Variants in MINK1 observed in about 807,000 individuals in gnomAD.
The protein encoded by MINK1 is misshapen-like kinase 1.
A neutral mutation model predicts 178.4 loss-of-function variants in MINK1; 46 were observed. That is an observed-to-expected ratio of 0.26 (90% CI 0.20 to 0.33). MINK1 has a LOEUF of 0.33. Among genes scored for constraint, MINK1 ranks in the 10% least tolerant of loss-of-function variants. The pLI is 1.00. For synonymous variants in MINK1, 797 were observed against 709.7 expected, an observed-to-expected ratio of 1.12 and a Z score of -1.96; for missense variants, 1,366 against 1,814.9, an observed-to-expected ratio of 0.75 and a Z score of 4.49.
At chr17:4,891,881 G>A (rs1301870136) in intron 16 of MINK1, among the ~76,000 whole-genome samples, 165 bp downstream of exon 16, 1 of 152,216 alleles carries the variant, frequency 6.6e-6, no homozygotes, top group Non-Finnish European at 1.5e-5. Flanking sequence ...GACGCGACGT[G>A]GAGGGGTGGC....
chr17:4,883,921 A>T (rs1967957154), intron 4 of MINK1, among the ~76,000 whole-genome samples: 2 of 151,772 alleles, frequency 1.3e-5, no homozygotes, highest in African/African-American at 4.8e-5. Context: ...CTCAGGGAAA[A>T]TGCATATACC....
intron 1 of MINK1, among the ~76,000 whole-genome samples, chr17:4,876,545 G>A (rs1967198969): frequency 6.6e-6 from 1 of 152,144 alleles, no homozygotes; most frequent in Admixed American, 6.5e-5. Flanking sequence ...AGTGGATGAA[G>A]TGCTTTTATT....
chr17:4,864,725 CA>C (rs202062349), intron 1 of MINK1, among the ~76,000 whole-genome samples: 1 of 151,532 alleles, frequency 6.6e-6, no homozygotes, highest in Non-Finnish European at 1.5e-5. Context: ...GACTCCATCT[CA>C]AAAAAAAGAG....
chr17:4,892,979 T>C lies in MINK1; in HGVS notation c.2312T>C (p.Val771Ala), dbSNP rs11556634. The C allele has an allele frequency of 0.44, 688,224 of 1,555,594 alleles. 166,863 individuals carry two copies. The highest frequency in any genetic ancestry group is 0.91 in the East Asian group (37,428 of 41,324). ...GACCTTCTTCCACCCTGCCGTCCAG[T>C]CTCCTCCAAACCGGACAGCTCCCCT... ...AGSLERNRVG[V>A]SSKPDSSPVL... Residue 771 changes from valine (V) to alanine (A), a missense_variant and splice_region_variant, in exon 20 of 32, where the codon GTC becomes GCC. By Grantham distance (64) the Val-to-Ala change is moderately conservative. Around this residue, in one of 14 missense-constraint regions of MINK1, gnomAD observed 709 missense variants for 692.3 expected, o/e 1.02. Transcript: ENST00000355280.
At chr17:4,893,375 T>C (rs908974359) in intron 20 of MINK1, 59 bp from the exon 21 acceptor site, 17 of 1,608,944 alleles carry the variant, frequency 1.1e-5, no homozygotes, top group Non-Finnish European at 1.4e-5. Context: ...CCGGCACCCT[T>C]TGTCTACCTC....
chr17:4,862,397 G>A (rs1914295921), intron 1 of MINK1, among the ~76,000 whole-genome samples: 1 of 152,138 alleles, frequency 6.6e-6, no homozygotes, highest in African/African-American at 2.4e-5. Flanking sequence ...GCTCACGCCT[G>A]TAATCCCAGC....
At position 4,895,906 on chromosome 17, in the gene MINK1, T is replaced by A. The variant is rs932651164; in HGVS notation, c.3364+74T>A. The A allele has an allele frequency of 1.9e-6, 3 of 1,579,664 alleles. No individual in the cohort carries two copies. Among genetic ancestry groups the A allele is most frequent in the Non-Finnish European group, 1.7e-6 (2 of 1,161,498 alleles). On this transcript the variant is annotated intron_variant, in intron 27 of 31. Transcript: ENST00000355280. The surrounding 1 kb of genome is among the most constrained non-coding windows in gnomAD (Gnocchi z 4.3). ...AGAAATGGATCTGGGAGCCAGGGACTTGGGGCCTGGGTGGGGCAGTGTAGT... is the reference window on the plus strand; with the variant it reads ...AGAAATGGATCTGGGAGCCAGGGACATGGGGCCTGGGTGGGGCAGTGTAGT...
At chr17:4,860,429 G>T (rs1049922334) in intron 1 of MINK1, among the ~76,000 whole-genome samples, 5 of 152,100 alleles carry the variant, frequency 3.3e-5, no homozygotes, top group African/African-American at 1.2e-4. Flanking sequence ...CCTCCCAACC[G>T]GACAGCGTTC....
chr17:4,884,856 A>G (rs1001992075), intron 5 of MINK1, 56 bp from the exon 6 acceptor site: 1 of 1,490,506 alleles, frequency 6.7e-7, no homozygotes. Context: ...CTCCCCACTT[A>G]CTCTTTCCTA....
intron 2 of MINK1, among the ~76,000 whole-genome samples, chr17:4,880,327 T>C (rs1967580247): frequency 1.3e-5 from 2 of 149,638 alleles, no homozygotes; most frequent in Admixed American, 6.6e-5. Flanking sequence ...AGACGGAGTC[T>C]TGCTCTGTCC....
intron 1 of MINK1, among the ~76,000 whole-genome samples, chr17:4,834,335 G>A (rs1019397117): frequency 6.6e-6 from 1 of 151,020 alleles, no homozygotes; most frequent in Non-Finnish European, 1.5e-5. Context: ...AGGAGGGGAG[G>A]CATTTCTTCT....
intron 1 of MINK1, among the ~76,000 whole-genome samples, chr17:4,850,846 A>G (rs948312165): frequency 6.6e-6 from 1 of 152,000 alleles, no homozygotes; most frequent in Non-Finnish European, 1.5e-5. Context: ...CCAACCCCTC[A>G]TTACTAGTGT....
rs367903686 is a variant in MINK1 at position 4,896,174 on chromosome 17, C to T, written c.3466-19C>T. 54 of 1,600,610 alleles carry T rather than the reference C, an allele frequency of 3.4e-5. No homozygotes were observed. In the African/African-American group the frequency reaches 5.9e-4, roughly 17 times the overall value. Reference sequence around the variant, plus strand: ...TCTCCCCGTGCCCCTGAGCCCTCCTCTCCTCCGGTTCTCTGCAGTCCTTTG... The same window carrying T: ...TCTCCCCGTGCCCCTGAGCCCTCCTTTCCTCCGGTTCTCTGCAGTCCTTTG... On this transcript the variant is annotated intron_variant, in intron 28 of 31. Transcript: ENST00000355280. This position sits in a 1 kb window ranked among gnomAD's most constrained non-coding sequence, Gnocchi z 4.6.
intron 1 of MINK1, among the ~76,000 whole-genome samples, chr17:4,863,194 C>CG (rs1914446700): frequency 6.6e-6 from 1 of 152,154 alleles, no homozygotes; most frequent in Admixed American, 6.6e-5. Context: ...ATGGTAACAG[C>CG]GGGGGATAGC....
chr17:4,876,098 A>G (rs546795226), intron 1 of MINK1, among the ~76,000 whole-genome samples: 1 of 150,392 alleles, frequency 6.6e-6, no homozygotes, highest in Non-Finnish European at 1.5e-5. Flanking sequence ...CCCGGCCAAG[A>G]TTTTTTTTTT....
chr17:4,884,555 T>C (rs1433478124), intron 5 of MINK1, 82 bp downstream of exon 5: 1 of 1,041,226 alleles, frequency 9.6e-7, no homozygotes, highest in East Asian at 2.4e-5. Context: ...CTCCCTGCGC[T>C]GGGAGGAGAC....
chr17:4,889,912 A>C lies in MINK1; in HGVS notation c.1347+149A>C, dbSNP rs1444144504. 9 of 612,342 alleles carry C rather than the reference A, an allele frequency of 1.5e-5. No individual in the cohort carries two copies. In the African/African-American group the frequency reaches 1.7e-4, roughly 12 times the overall value. 37.9% of individuals were successfully genotyped at this position (612,342 alleles called of 1,614,324 possible). On this transcript the variant is annotated intron_variant, in intron 13 of 31. Coordinates refer to ENST00000355280, the MANE Select transcript of MINK1 (RefSeq NM_153827.5). ...TCACTCTTTCTCTCTGTTTTCTCCC[A>C]CCCTTCAACCCCAACCCTGACCCCC...
intron 1 of MINK1, among the ~76,000 whole-genome samples, chr17:4,854,606 T>C (rs1254446767): frequency 1.3e-5 from 2 of 152,198 alleles, no homozygotes; most frequent in African/African-American, 2.4e-5. Context: ...CCCTCTGGCA[T>C]AGAGATCCAT....
Position 4,897,994 on chromosome 17 carries a change from C to CCCTCCT in MINK1, c.*709_*710insTCCTCC. The CCCTCCT allele has an allele frequency of 3.9e-5, 4 of 102,150 alleles. No homozygotes were observed. Among genetic ancestry groups the CCCTCCT allele is most frequent in the South Asian group, 3.0e-4 (1 of 3,330 alleles). 6.3% of individuals were successfully genotyped at this position (102,150 alleles called of 1,614,324 possible). A position where few individuals can be genotyped will look rare whatever the true frequency, so the allele number is the denominator to read the frequency against. ...AGTAACCCTTCTCCCTCCCCCCCCA[C>CCCTCCT]CCCTCCTCAATGTAGTGGCCTTGGA... is the stretch of plus-strand genomic sequence containing the variant. On this transcript the variant is annotated 3_prime_UTR_variant, in exon 32 of 32. Transcript: ENST00000355280.
Sources: gnomAD v4.1 joint callset for allele counts (sites outside exome capture counted in the v4.1 genomes callset) on GRCh38, gnomAD v4.1.1 for gene constraint, gnomAD v4.1.1 regional missense constraint, Gnocchi (gnomAD v3.1) non-coding constraint, MANE v1.5 for transcripts, NCBI Gene and HGNC (gene_info 2026-07-23, HGNC 2026-07-21) for gene names.